C3orf52: variants seen among roughly 807,000 people sequenced by gnomAD.
C3orf52 encodes TPA-induced transmembrane protein.
Under a neutral mutation model 24.8 loss-of-function variants are expected in C3orf52, and 22 were observed. The ratio of observed to expected loss-of-function variants is 0.89; its 90% CI spans 0.63 to 1.27. The LOEUF is 1.27. Among genes scored for constraint, C3orf52 ranks in the 50% most tolerant of loss-of-function variants. The probability of loss-of-function intolerance (pLI) is 0.00; values close to 1 mark genes in which losing one functional copy is unlikely to be tolerated. For missense variants in C3orf52, 265 were observed against 260.7 expected, an observed-to-expected ratio of 1.02 and a Z score of -0.11; for synonymous variants, 93 against 100.2, an observed-to-expected ratio of 0.93 and a Z score of 0.43.
intron 4 of C3orf52, chr3:112,125,215 G>A (rs1277795134): frequency 4.5e-6 from 7 of 1,544,088 alleles, no homozygotes; most frequent in Non-Finnish European, 6.3e-6. Context: ...GCTTAGAGAT[G>A]TTCTTATTAC....
chr3:112,102,072 G>T (rs1254535892), intron 2 of C3orf52, among the ~76,000 whole-genome samples: 1 of 149,894 alleles, frequency 6.7e-6, no homozygotes, highest in Non-Finnish European at 1.5e-5. Flanking sequence ...CTTCCCTTCT[G>T]CAAGCAGAGC....
downstream of C3orf52, chr3:112,133,412 C>T (rs2074506205): frequency 1.9e-5 from 7 of 370,380 alleles, no homozygotes; most frequent in Non-Finnish European, 3.4e-5. Flanking sequence ...CTGGGGAATC[C>T]CAGGTCTGAA....
chr3:112,091,950 G>A (rs1459204613), intron 1 of C3orf52, among the ~76,000 whole-genome samples: 1 of 151,928 alleles, frequency 6.6e-6, no homozygotes, highest in Admixed American at 6.6e-5. Flanking sequence ...CTTGCAGTGA[G>A]CGGAGATCGT....
intron 4 of C3orf52, among the ~76,000 whole-genome samples, chr3:112,110,524 A>G (rs776894352): frequency 1.3e-5 from 2 of 152,084 alleles, no homozygotes; most frequent in African/African-American, 2.4e-5. Context: ...CACAAATACT[A>G]CACACACATA....
intron 2 of C3orf52, among the ~76,000 whole-genome samples, chr3:112,099,770 T>C (rs367664104): frequency 4.1e-4 from 63 of 152,336 alleles, no homozygotes; most frequent in African/African-American, 1.5e-3. Context: ...TGATTTCTTC[T>C]TTCTCATATC....
At chr3:112,133,078 G>A, downstream of C3orf52, 5 of 1,612,458 alleles carry the variant, frequency 3.1e-6, no homozygotes, top group Non-Finnish European at 4.2e-6. Flanking sequence ...CTCCCACAGG[G>A]AGTCTAGACT....
intron 1 of C3orf52, among the ~76,000 whole-genome samples, chr3:112,088,093 A>G (rs541401285): frequency 6.6e-6 from 1 of 152,318 alleles, no homozygotes; most frequent in South Asian, 2.1e-4. Flanking sequence ...TTAGTAAGGT[A>G]TATACAGATA....
intron 5 of C3orf52, 93 bp downstream of exon 5, chr3:112,113,238 G>A (rs1340946418): frequency 2.1e-6 from 2 of 933,348 alleles, no homozygotes; most frequent in Non-Finnish European, 1.6e-6. Flanking sequence ...GGCAACTGTG[G>A]TGACTTGGTA....
intron 2 of C3orf52, among the ~76,000 whole-genome samples, chr3:112,096,382 AGGGT>A (rs2073927631): frequency 2.0e-5 from 3 of 152,198 alleles, no homozygotes; most frequent in Non-Finnish European, 4.4e-5. Flanking sequence ...CCACAGAAAA[AGGGT>A]ATGCATGCTT....
chr3:112,116,811 T>TA lies in C3orf52; in HGVS notation c.*167dup. On this transcript the variant is annotated 3_prime_UTR_variant, in exon 6 of 6. Transcript: ENST00000264848. ...CTCTCCCGATTCTACAGTCTGGCTCTAAGCCCAGTAAAACAGCTCCCGAGC... is the reference window on the plus strand; with the variant it reads ...CTCTCCCGATTCTACAGTCTGGCTCTAAAGCCCAGTAAAACAGCTCCCGAGC... 6.5e-7 allele frequency: 1 copy of TA among 1,539,272 alleles called. No individual in the cohort carries two copies. The highest frequency in any genetic ancestry group is 8.7e-7 in the Non-Finnish European group (1 of 1,146,922).
At chr3:112,092,264 G>A (rs192901054) in intron 1 of C3orf52, among the ~76,000 whole-genome samples, 2 of 152,252 alleles carry the variant, frequency 1.3e-5, no homozygotes, top group African/African-American at 4.8e-5. Flanking sequence ...GAGGACTTTG[G>A]GGCCTATGAG....
chr3:112,103,959 G>A (rs956225138), intron 3 of C3orf52, among the ~76,000 whole-genome samples: 1 of 152,132 alleles, frequency 6.6e-6, no homozygotes, highest in African/African-American at 2.4e-5. Context: ...TTTCCTTTTA[G>A]CCTTTCTGTG....
At chr3:112,125,724 C>T (rs575635151) in intron 4 of C3orf52, among the ~76,000 whole-genome samples, 18 of 152,326 alleles carry the variant, frequency 1.2e-4, no homozygotes, top group African/African-American at 3.8e-4. Flanking sequence ...AGAGGGCCGT[C>T]GTTTCTACTC....
intron 2 of C3orf52, among the ~76,000 whole-genome samples, chr3:112,101,889 A>C (rs1335005938): frequency 6.6e-6 from 1 of 152,220 alleles, no homozygotes; most frequent in Non-Finnish European, 1.5e-5. Context: ...GAGCATAATT[A>C]GCACAGTAGT....
At chr3:112,128,855 A>G (rs1247463253), downstream of C3orf52, 1 of 152,436 alleles carries the variant, frequency 6.6e-6, no homozygotes, top group African/African-American at 2.4e-5. Context: ...AACTACCTAC[A>G]TGGTTGAATG....
chr3:112,119,426 G>C (rs760705686), downstream of C3orf52: 1 of 702,164 alleles, frequency 1.4e-6, no homozygotes, highest in South Asian at 1.5e-5. Flanking sequence ...CGGGTGGTCA[G>C]AGAAAAGAGT....
At chr3:112,104,763 A>G (rs1489389288) in intron 3 of C3orf52, among the ~76,000 whole-genome samples, 1 of 151,982 alleles carries the variant, frequency 6.6e-6, no homozygotes, top group Non-Finnish European at 1.5e-5. Context: ...CACTGTGCCC[A>G]ATTTGTAGTC....
chr3:112,089,234 A>T (rs1216291501), intron 1 of C3orf52, among the ~76,000 whole-genome samples: 2 of 152,316 alleles, frequency 1.3e-5, no homozygotes, highest in East Asian at 3.9e-4. Flanking sequence ...GGCAGGTAAG[A>T]TTTATTTCAG....
At chr3:112,093,513 A>T in intron 2 of C3orf52, 24 bp downstream of exon 2, 1 of 1,600,792 alleles carries the variant, frequency 6.2e-7, no homozygotes, top group Non-Finnish European at 8.5e-7. Flanking sequence ...GATGTGAATA[A>T]ATAACACATT....
Sources: gnomAD v4.1 joint callset for allele counts (sites outside exome capture counted in the v4.1 genomes callset) on GRCh38, gnomAD v4.1.1 for gene constraint, MANE v1.5 for transcripts, NCBI Gene and HGNC (gene_info 2026-07-23, HGNC 2026-07-21) for gene names.